The following RBBP9 variants were observed in gnomAD, a reference collection of about 807,000 sequenced individuals.
The protein encoded by RBBP9 is serine hydrolase RBBP9.
A neutral mutation model predicts 24.2 loss-of-function variants in RBBP9; 20 were observed. The ratio of observed to expected loss-of-function variants is 0.83; its 90% CI spans 0.58 to 1.20. The LOEUF (loss-of-function observed/expected upper bound fraction) is 1.20. RBBP9 is among the 50% of genes most tolerant of loss of function. The probability of loss-of-function intolerance (pLI) is 0.00; values close to 1 mark genes in which losing one functional copy is unlikely to be tolerated. For synonymous variants in RBBP9, 74 were observed against 84.6 expected (o/e 0.87, Z 0.69); for missense variants, 234 against 233.6 (o/e 1.00, Z -0.01).
rs6081169 is a variant in RBBP9 at position 18,488,378 on chromosome 20, G to A, written c.*1386C>T. On this transcript the variant is annotated 3_prime_UTR_variant, in exon 5 of 5. Coordinates refer to ENST00000337227, the MANE Select transcript of RBBP9 (RefSeq NM_006606.3). ...CAAACTCCTGGGCTCAAGCAATCCT[G>A]CCTCAGCCTCCCAAGAAGCTAGGAC... 0.69 allele frequency: 104,314 copies of A among 151,926 alleles called. 37,027 individuals carry two copies. The highest frequency in any genetic ancestry group is 0.79 in the Non-Finnish European group (53,915 of 68,012). 9.4% of individuals were successfully genotyped at this position (151,926 alleles called of 1,614,324 possible). A position where few individuals can be genotyped will look rare whatever the true frequency, so the allele number is the denominator to read the frequency against.
At position 18,497,067 on chromosome 20, in the gene RBBP9, A is replaced by G; in HGVS notation, c.99+2T>C. The G allele has an allele frequency of 6.2e-7, 1 of 1,613,366 alleles. No homozygotes were observed. The highest frequency in any genetic ancestry group is 8.5e-7 in the Non-Finnish European group (1 of 1,179,400). ...CACGGAGCAGCGGCGTTGGGCGCTT[A>G]CCTTCTCCAGCTCCTTTTTCACCCA... On this transcript the variant is annotated splice_donor_variant, in intron 1 of 4. Transcript: ENST00000337227. LOFTEE classifies it high-confidence loss of function.
rs2059874449 is a variant in RBBP9 at position 18,493,956 on chromosome 20, A to G, written c.248+2T>C. On this transcript the variant is annotated splice_donor_variant, in intron 3 of 4. Coordinates refer to ENST00000337227, the MANE Select transcript of RBBP9 (RefSeq NM_006606.3). LOFTEE classifies it high-confidence loss of function. Reference sequence around the variant, plus strand: ...GGGATAGCAGTTTAACAAAGATCGCACCTCATGGCCGCGATGGCCCCAGAA... The same window carrying G: ...GGGATAGCAGTTTAACAAAGATCGCGCCTCATGGCCGCGATGGCCCCAGAA... 2 of 1,601,368 alleles carry G rather than the reference A, an allele frequency of 1.2e-6. No individual in the cohort carries two copies.
intron 3 of RBBP9, among the ~76,000 whole-genome samples, chr20:18,493,152 C>T (rs2424218): frequency 0.15 from 21,088 of 137,740 alleles, 1,578 homozygotes; most frequent in Admixed American, 0.2. Context: ...CTAAACTTAG[C>T]TTATTCAGCC....
Position 18,497,054 on chromosome 20 carries a change from G to C in RBBP9, c.99+15C>G. The C allele has an allele frequency of 6.2e-7, 1 of 1,609,294 alleles. No homozygotes were observed. Among genetic ancestry groups the C allele is most frequent in the Non-Finnish European group, 8.5e-7 (1 of 1,175,702 alleles). On this transcript the variant is annotated intron_variant, in intron 1 of 4. Transcript: ENST00000337227. ...TCCAGGCTGACTTCACGGAGCAGCG[G>C]CGTTGGGCGCTTACCTTCTCCAGCT...
Position 18,497,199 on chromosome 20 carries a change from G to A in RBBP9, c.-32C>T. ...AGCGAGGCCAGAGTTCCCCAGCGCG[G>A]GTCCAGCGGAGCTGAGCCCAGCCTG... is the stretch of plus-strand genomic sequence containing the variant. On this transcript the variant is annotated 5_prime_UTR_variant, in exon 1 of 5. Transcript: ENST00000337227. 1.9e-6 allele frequency: 3 copies of A among 1,573,818 alleles called. No individual in the cohort carries two copies. The highest frequency in any genetic ancestry group is 2.3e-5 in the East Asian group (1 of 44,342).
At chr20:18,496,031 G>T (rs1328073422) in intron 1 of RBBP9, 151 bp from the exon 2 acceptor site, 2 of 673,364 alleles carry the variant, frequency 3.0e-6, no homozygotes, top group Non-Finnish European at 2.5e-6. Flanking sequence ...CCATCTTTTC[G>T]CATGAACTCC....
chr20:18,490,527 A>G, intron 3 of RBBP9, 47 bp from the exon 4 acceptor site: 1 of 1,417,342 alleles, frequency 7.1e-7, no homozygotes, highest in South Asian at 1.2e-5. Flanking sequence ...GTTACCTCTG[A>G]TCACCAAAAA....
chr20:18,495,787 A>G (rs2059884354), intron 2 of RBBP9, 51 bp downstream of exon 2: 2 of 1,504,752 alleles, frequency 1.3e-6, no homozygotes, highest in Non-Finnish European at 1.8e-6. Context: ...AAAAATGGTA[A>G]TATCAAAACC....
At chr20:18,492,805 C>A (rs933440358) in intron 3 of RBBP9, among the ~76,000 whole-genome samples, 3 of 152,178 alleles carry the variant, frequency 2.0e-5, no homozygotes, top group Non-Finnish European at 4.4e-5. Flanking sequence ...GTTCAAGGAT[C>A]TTTAAAAGCA....
chr20:18,494,098 T>C (rs759441492), intron 2 of RBBP9, 35 bp from the exon 3 acceptor site: 1 of 1,544,402 alleles, frequency 6.5e-7, no homozygotes, highest in South Asian at 1.1e-5. Flanking sequence ...GTCTGTCATT[T>C]GATAGTGGCA....
rs2059873926 is a variant in RBBP9 at position 18,493,835 on chromosome 20, G to A, written c.248+123C>T. 7 of 719,154 alleles carry A rather than the reference G, an allele frequency of 9.7e-6. No homozygotes were observed. The South Asian group carries it at 1.5e-4, about 15-fold the overall frequency. 44.5% of individuals were successfully genotyped at this position (719,154 alleles called of 1,614,324 possible). On this transcript the variant is annotated intron_variant, in intron 3 of 4. Coordinates refer to ENST00000337227, the MANE Select transcript of RBBP9 (RefSeq NM_006606.3). Reference sequence around the variant, plus strand: ...CCAGGAAGGAATTAGGACAGATTATGTTACCACTTTAGAGGTCAGCACTGT... The same window carrying A: ...CCAGGAAGGAATTAGGACAGATTATATTACCACTTTAGAGGTCAGCACTGT...
chr20:18,497,164 C>A lies in RBBP9; in HGVS notation c.4G>T (p.Ala2Ser). The A allele has an allele frequency of 6.2e-7, 1 of 1,613,480 alleles. No individual in the cohort carries two copies. The highest frequency in any genetic ancestry group is 8.5e-7 in the Non-Finnish European group (1 of 1,179,476). Residue 2 changes from alanine (A) to serine (S), a missense_variant, in exon 1 of 5, where the codon GCT becomes TCT. By Grantham distance (99) the Ala-to-Ser change is moderately conservative (BLOSUM62 1). Coordinates refer to ENST00000337227, the MANE Select transcript of RBBP9 (RefSeq NM_006606.3). MASPSKAVIVPG... is the reference protein window; with the variant it reads MSSPSKAVIVPG... ...ACAATCACTGCCTTGCTAGGAGAAG[C>A]CATGAGTGCAGCGAGGCCAGAGTTC...
At chr20:18,490,179 G>C (rs897042018) in intron 4 of RBBP9, among the ~76,000 whole-genome samples, 189 bp from the exon 5 acceptor site, 14 of 152,284 alleles carry the variant, frequency 9.2e-5, no homozygotes, top group African/African-American at 3.4e-4. Context: ...GTGGTATATG[G>C]TTCAACTAAA....
chr20:18,494,196 C>G (rs2059875539), intron 2 of RBBP9, 133 bp from the exon 3 acceptor site: 1 of 655,738 alleles, frequency 1.5e-6, no homozygotes. Context: ...AGCAGGAGAC[C>G]AGACTGTATT....
intron 4 of RBBP9, 86 bp downstream of exon 4, chr20:18,490,309 T>C: frequency 1.9e-6 from 2 of 1,069,918 alleles, no homozygotes; most frequent in Non-Finnish European, 2.9e-6. Context: ...TTAGCCTATC[T>C]GAAAGACAGC....
rs1340447379 is a variant in RBBP9, at chr20:18,489,911, G to A, written c.414C>T (p.Asp138=). 2 of 1,613,806 alleles carry A rather than the reference G, an allele frequency of 1.2e-6. No homozygotes were observed. Among genetic ancestry groups the A allele is most frequent in the Non-Finnish European group, 1.7e-6 (2 of 1,179,904 alleles). ...GTTGTTCCTTCCAGGGAAGGAACGG[G>A]TCGTCAGTAGAGCCAAACTGCACAA... The part of the protein sequence containing the change: ...PYIVQFGSTD[D]PFLPWKEQQE... The change falls in exon 5 of 5, where the codon GAC becomes GAT. Residue 138 remains aspartate, a synonymous_variant. Transcript: ENST00000337227.
chr20:18,490,520 A>G (rs368690118), intron 3 of RBBP9, 40 bp from the exon 4 acceptor site: 244 of 1,434,350 alleles, frequency 1.7e-4, no homozygotes, highest in Non-Finnish European at 2.2e-4. Context: ...ATATAATGTT[A>G]CCTCTGATCA....
rs2059848770 is a variant in RBBP9 at position 18,487,545 on chromosome 20, A to G, written c.*2219T>C. The stretch of plus-strand genomic sequence containing the variant: ...GCCTCTTTAACAACATTATTATTCA[A>G]CTGATTTATATAATTTGCTTTTTAG... On this transcript the variant is annotated 3_prime_UTR_variant, in exon 5 of 5. Coordinates refer to ENST00000337227, the MANE Select transcript of RBBP9 (RefSeq NM_006606.3). 6.6e-6 allele frequency: 1 copy of G among 152,224 alleles called. No homozygotes were observed. The highest frequency in any genetic ancestry group is 1.5e-5 in the Non-Finnish European group (1 of 68,040). 9.4% of individuals were successfully genotyped at this position (152,224 alleles called of 1,614,324 possible).
chr20:18,494,542 G>A (rs931659829), intron 2 of RBBP9, among the ~76,000 whole-genome samples: 12 of 152,036 alleles, frequency 7.9e-5, no homozygotes, highest in African/African-American at 1.2e-4. Context: ...TTAGCCAGGC[G>A]TGATGGCGCA....
Sources: gnomAD v4.1 joint callset for allele counts (sites outside exome capture counted in the v4.1 genomes callset) on GRCh38, gnomAD v4.1.1 for gene constraint, MANE v1.5 for transcripts, NCBI Gene and HGNC (gene_info 2026-07-23, HGNC 2026-07-21) for gene names.